SMIM35: variants seen among roughly 807,000 people sequenced by gnomAD.
SMIM35 encodes the protein small integral membrane protein 35, also known as TMPRSS4 antisense RNA 1 (non-protein coding).
chr11:118,065,075 C>T (rs1166410434), intron 1 of SMIM35, among the ~76,000 whole-genome samples: 1 of 152,228 alleles, frequency 6.6e-6, no homozygotes, highest in Non-Finnish European at 1.5e-5. Flanking sequence ...ATGCATATTC[C>T]TGTCCTAAAG....
intron 1 of SMIM35, among the ~76,000 whole-genome samples, chr11:118,065,144 GCT>G (rs1944452193): frequency 6.6e-6 from 1 of 152,222 alleles, no homozygotes; most frequent in African/African-American, 2.4e-5. Context: ...AGCCTAGGCA[GCT>G]GCACAGCGCC....
chr11:118,062,891 C>T (rs1944413241), intron 1 of SMIM35, among the ~76,000 whole-genome samples: 1 of 152,158 alleles, frequency 6.6e-6, no homozygotes, highest in Non-Finnish European at 1.5e-5. Flanking sequence ...AGGAGGTCAA[C>T]ACATGATACA....
intron 1 of SMIM35, among the ~76,000 whole-genome samples, chr11:118,054,805 A>AT (rs34274655): frequency 0.25 from 35,250 of 139,296 alleles, 4,852 homozygotes; most frequent in Non-Finnish European, 0.32. Context: ...TATTTTCAGG[A>AT]TTTTTTTTTT....
At chr11:118,057,502 A>G (rs1219931101) in intron 1 of SMIM35, among the ~76,000 whole-genome samples, 3 of 151,500 alleles carry the variant, frequency 2.0e-5, no homozygotes, top group African/African-American at 7.3e-5. Flanking sequence ...GGGGTGGGAG[A>G]CTCCGCTGGG....
intron 1 of SMIM35, among the ~76,000 whole-genome samples, chr11:118,080,247 T>A (rs562863045): frequency 1.3e-5 from 2 of 152,152 alleles, no homozygotes; most frequent in South Asian, 4.1e-4. Context: ...ACTATTTGCA[T>A]TGGACTCTGA....
intron 1 of SMIM35, among the ~76,000 whole-genome samples, chr11:118,068,341 G>A (rs918065446): frequency 3.3e-5 from 5 of 151,974 alleles, no homozygotes; most frequent in Admixed American, 6.5e-5. Context: ...GGAGCCCTCC[G>A]GCTCTGTGTG....
intron 1 of SMIM35, among the ~76,000 whole-genome samples, chr11:118,056,966 G>A (rs553736723): frequency 2.0e-5 from 3 of 152,272 alleles, no homozygotes; most frequent in African/African-American, 7.2e-5. Flanking sequence ...AAATAGCCAG[G>A]CCACACATTT....
intron 1 of SMIM35, among the ~76,000 whole-genome samples, chr11:118,075,137 G>C (rs938415320): frequency 6.6e-6 from 1 of 152,228 alleles, no homozygotes; most frequent in Non-Finnish European, 1.5e-5. Context: ...GTGGCTCCCA[G>C]TGGCCCACTG....
chr11:118,046,790 A>G (rs753091305), intron 1 of SMIM35, among the ~76,000 whole-genome samples: 1 of 152,216 alleles, frequency 6.6e-6, no homozygotes, highest in Non-Finnish European at 1.5e-5. Context: ...AGTCTGGAGG[A>G]CAGAGGAACA....
chr11:118,013,821 G>A lies in SMIM35; in HGVS notation c.218C>T (p.Thr73Ile), dbSNP rs2058162406. Reference protein sequence around the residue: ...PFTISGHISSTDGGYMKFSNG... With the variant: ...PFTISGHISSIDGGYMKFSNG... ...GGAGAACTTCATGTAGCCACCATCT[G>A]TGCTGCTGATGTGACCACTGATGGT... is the stretch of plus-strand genomic sequence containing the variant. The change falls in exon 4 of 5, where the codon ACA becomes ATA. Residue 73 changes from threonine to isoleucine, a missense_variant. Transcript: ENST00000689828. 4 of 399,068 alleles carry A rather than the reference G, an allele frequency of 1.0e-5. No homozygotes were observed. The Admixed American group carries it at 1.8e-4, about 18-fold the overall frequency. The allele number at this position is 399,068 out of a possible 1,614,324, so 24.7% of individuals were successfully genotyped here.
chr11:118,015,711 G>T lies in SMIM35; in HGVS notation c.106C>A (p.Arg36Ser). 3 of 399,326 alleles carry T rather than the reference G, an allele frequency of 7.5e-6. No homozygotes were observed. The highest frequency in any genetic ancestry group is 7.1e-5 in the East Asian group (2 of 28,084). The allele number at this position is 399,326 out of a possible 1,614,324, so 24.7% of individuals were successfully genotyped here. ...CACTCACCCTCCCAGCAGTACCCGC[G>T]CTGGTACCACTTGGCCAGGCTGTAG... ...LGYSLAKWYQ[R>S]GYCWEGPNFV... Residue 36 changes from arginine (R) to serine (S), a missense_variant, in exon 2 of 5, where the codon CGC (arginine) becomes AGC (serine). Arg to Ser is a moderately radical substitution (Grantham distance 110). Transcript: ENST00000689828.
chr11:118,056,269 G>A (rs1486342267), intron 1 of SMIM35, among the ~76,000 whole-genome samples: 1 of 152,142 alleles, frequency 6.6e-6, no homozygotes, highest in Non-Finnish European at 1.5e-5. Context: ...GGGTCATCCT[G>A]GAGAGATGAT....
Position 118,060,363 on chromosome 11 carries a change from C to T in SMIM35, c.7+26388G>A, listed in dbSNP as rs137895496. 3.7e-3 allele frequency among the ~76,000 whole-genome samples: 569 copies of T among 152,366 alleles called. 2 individuals are homozygous for T. Among genetic ancestry groups the T allele is most frequent in the African/African-American group, 0.012 (492 of 41,576 alleles). On this transcript the variant is annotated intron_variant, in intron 1 of 4. Coordinates refer to ENST00000689828, the MANE Select transcript of SMIM35 (RefSeq NM_001394165.1). Reference sequence around the variant, plus strand: ...GCACCCACTCCCACCTCCCCACACACCTCTTGCAATTATAATAGCTCTTGG... The same window carrying T: ...GCACCCACTCCCACCTCCCCACACATCTCTTGCAATTATAATAGCTCTTGG...
At chr11:118,033,503 C>T (rs538875060) in intron 1 of SMIM35, among the ~76,000 whole-genome samples, 116 of 152,212 alleles carry the variant, frequency 7.6e-4, no homozygotes, top group Non-Finnish European at 1.4e-3. Context: ...TCTGTATAGT[C>T]AAGGGGTTTT....
chr11:118,085,464 G>C (rs942824340), intron 1 of SMIM35, among the ~76,000 whole-genome samples: 5 of 152,034 alleles, frequency 3.3e-5, no homozygotes, highest in African/African-American at 1.2e-4. Context: ...GCTGGAGTCA[G>C]TCCCAATCAG....
At chr11:118,033,301 G>A (rs2058332692) in intron 1 of SMIM35, among the ~76,000 whole-genome samples, 1 of 152,126 alleles carries the variant, frequency 6.6e-6, no homozygotes, top group Non-Finnish European at 1.5e-5. Flanking sequence ...TATTAATTTA[G>A]GTCTACGTTT....
chr11:118,076,665 C>T (rs535082270), intron 1 of SMIM35, among the ~76,000 whole-genome samples: 28 of 152,164 alleles, frequency 1.8e-4, no homozygotes, highest in African/African-American at 6.0e-4. Context: ...AGAAGAAACT[C>T]CCTCCTTCTC....
chr11:118,082,566 A>AAAAGAAAG (rs56317794), intron 1 of SMIM35, among the ~76,000 whole-genome samples: 183 of 150,282 alleles, frequency 1.2e-3, no homozygotes, highest in African/African-American at 4.0e-3. Flanking sequence ...GTCTCAAAAA[A>AAAAGAAAG]AAAGAAAGAA....
chr11:118,086,228 A>G (rs4938478), intron 1 of SMIM35, among the ~76,000 whole-genome samples: 55,844 of 152,182 alleles, frequency 0.37, 10,532 homozygotes, highest in South Asian at 0.52. Flanking sequence ...GCCCGAACAC[A>G]AAAGCTGATT....
Sources: allele counts gnomAD v4.1 joint callset (sites outside exome capture counted in the v4.1 genomes callset), GRCh38; gene constraint gnomAD v4.1.1; transcripts MANE v1.5; gene names NCBI Gene and HGNC (gene_info 2026-07-23, HGNC 2026-07-21).